The following BAALC variants were observed in gnomAD, a reference collection of about 807,000 sequenced individuals.
BAALC encodes the protein BAALC binder of MAP3K1 and KLF4, also known as brain and acute leukemia cytoplasmic protein.
Under a neutral mutation model 15.5 loss-of-function variants are expected in BAALC, and 9 were observed. The observed-to-expected ratio is 0.58, with a 90% confidence interval of 0.35 to 1.02. BAALC has a LOEUF of 1.02. Ranked by LOEUF, BAALC falls within the 50% of genes least tolerant of loss-of-function variation. BAALC has a pLI of 0.02. For missense variants in BAALC, 201 were observed against 192.4 expected, an observed-to-expected ratio of 1.04 and a Z score of -0.27; for synonymous variants, 80 against 74.6, an observed-to-expected ratio of 1.07 and a Z score of -0.37.
intron 1 of BAALC, among the ~76,000 whole-genome samples, chr8:103,152,664 C>T (rs1811010813): frequency 6.6e-6 from 1 of 152,218 alleles, no homozygotes; most frequent in Non-Finnish European, 1.5e-5. Context: ...ACCCTCCACA[C>T]CTTTTGTACC....
intron 2 of BAALC, chr8:103,213,646 A>T (rs1300523962): frequency 6.5e-6 from 1 of 152,988 alleles, no homozygotes; most frequent in Non-Finnish European, 1.5e-5. Flanking sequence ...TCCCAGAGCT[A>T]TTGTTGGGAA....
chr8:103,154,541 C>T (rs1366529872), intron 1 of BAALC: 1 of 153,770 alleles, frequency 6.5e-6, no homozygotes, highest in Non-Finnish European at 1.5e-5. Context: ...TCATGATTTC[C>T]CACTATCTAC....
chr8:103,224,415 G>A (rs1396202527), intron 2 of BAALC, among the ~76,000 whole-genome samples: 1 of 144,268 alleles, frequency 6.9e-6, no homozygotes, highest in Non-Finnish European at 1.5e-5. Context: ...ACAACTCAAA[G>A]CAGAGTGGGC....
chr8:103,208,006 T>C lies in BAALC; in HGVS notation c.161-4913T>C, dbSNP rs149082577. On this transcript the variant is annotated intron_variant, in intron 1 of 2. Coordinates refer to ENST00000309982, the MANE Select transcript of BAALC (RefSeq NM_024812.3). ...ACACTGGACAGATGACCCCTGCTCA[T>C]TGTTTGGCAAATGCCAATCCCCCAA... Among the ~76,000 whole-genome samples, 48 of 152,358 alleles carry C rather than the reference T, an allele frequency of 3.2e-4. No individual in the cohort carries two copies. The East Asian group carries it at 8.5e-3, about 27-fold the overall frequency.
intron 1 of BAALC, among the ~76,000 whole-genome samples, chr8:103,205,160 G>T (rs1164666153): frequency 6.6e-6 from 1 of 152,164 alleles, no homozygotes; most frequent in African/African-American, 2.4e-5. Context: ...AGGTGCTCAA[G>T]CTAAGGAGAA....
intron 1 of BAALC, among the ~76,000 whole-genome samples, chr8:103,154,164 T>TAA (rs1193034146): frequency 6.6e-6 from 1 of 152,174 alleles, no homozygotes; most frequent in Non-Finnish European, 1.5e-5. Flanking sequence ...TTCCATTAAT[T>TAA]GGGTGCTCAG....
intron 1 of BAALC, among the ~76,000 whole-genome samples, chr8:103,145,555 T>C (rs746302900): frequency 2.0e-5 from 3 of 152,366 alleles, no homozygotes; most frequent in African/African-American, 7.2e-5. Flanking sequence ...TGCTATGATA[T>C]GGTCATTGAA....
chr8:103,228,167 G>A lies in BAALC; in HGVS notation c.*68G>A. On this transcript the variant is annotated 3_prime_UTR_variant, in exon 3 of 3. Transcript: ENST00000309982. ...CTTCACGGCACTGGATCCCATCAAA[G>A]AACCTTGAAGAAGTGGCTGCCCCTT... is the stretch of plus-strand genomic sequence containing the variant. The A allele has an allele frequency of 1.8e-6, 2 of 1,115,552 alleles. No individual in the cohort carries two copies. The highest frequency in any genetic ancestry group is 2.4e-5 in the East Asian group (1 of 41,450). 69.1% of individuals were successfully genotyped at this position (1,115,552 alleles called of 1,614,324 possible).
chr8:103,201,160 G>A (rs368795176), intron 1 of BAALC, among the ~76,000 whole-genome samples: 4 of 152,080 alleles, frequency 2.6e-5, no homozygotes, highest in African/African-American at 7.2e-5. Context: ...GATATGTAAG[G>A]AAATGAAGTA....
intron 1 of BAALC, among the ~76,000 whole-genome samples, chr8:103,161,171 T>C (rs1811215927): frequency 1.3e-5 from 2 of 152,320 alleles, no homozygotes; most frequent in South Asian, 2.1e-4. Context: ...TAAAGACAAA[T>C]CTATAAAATA....
chr8:103,205,764 A>G (rs1402626834), intron 1 of BAALC, among the ~76,000 whole-genome samples: 1 of 152,222 alleles, frequency 6.6e-6, no homozygotes, highest in African/African-American at 2.4e-5. Flanking sequence ...TTAAAATTTG[A>G]GAACTGCCTA....
intron 1 of BAALC, among the ~76,000 whole-genome samples, chr8:103,175,009 A>G (rs1425469980): frequency 6.6e-6 from 1 of 152,042 alleles, no homozygotes; most frequent in East Asian, 1.9e-4. Flanking sequence ...GAATTATACC[A>G]GTTGATCTCC....
At chr8:103,145,632 A>G (rs141958527) in intron 1 of BAALC, among the ~76,000 whole-genome samples, 1 of 152,220 alleles carries the variant, frequency 6.6e-6, no homozygotes, top group Non-Finnish European at 1.5e-5. Context: ...TGTTGTTGCC[A>G]TATTACCTTG....
intron 1 of BAALC, among the ~76,000 whole-genome samples, chr8:103,144,217 T>C (rs1235795086): frequency 2.0e-5 from 3 of 152,248 alleles, no homozygotes; most frequent in Non-Finnish European, 4.4e-5. Flanking sequence ...GGAGGGGGCA[T>C]GTTTTTCTCC....
At chr8:103,217,105 C>T (rs1222994927) in intron 2 of BAALC, among the ~76,000 whole-genome samples, 1 of 152,204 alleles carries the variant, frequency 6.6e-6, no homozygotes, top group Non-Finnish European at 1.5e-5. Context: ...GCAGATGATG[C>T]ATATCAATGA....
chr8:103,209,912 T>C (rs1812415089), intron 1 of BAALC, among the ~76,000 whole-genome samples: 1 of 152,172 alleles, frequency 6.6e-6, no homozygotes, highest in South Asian at 2.1e-4. Context: ...GGACACTGAG[T>C]AGCACTATTC....
chr8:103,181,065 T>C (rs2129972921), intron 1 of BAALC, among the ~76,000 whole-genome samples: 1 of 149,870 alleles, frequency 6.7e-6, no homozygotes, highest in South Asian at 2.1e-4. Flanking sequence ...CCTTTCAGAA[T>C]ATTAAAAGGA....
At chr8:103,199,701 G>A (rs967584080) in intron 1 of BAALC, among the ~76,000 whole-genome samples, 2 of 150,668 alleles carry the variant, frequency 1.3e-5, no homozygotes, top group African/African-American at 4.9e-5. Flanking sequence ...TATTAAGTTT[G>A]TTACACAGGT....
At chr8:103,201,783 A>G (rs1427659618) in intron 1 of BAALC, among the ~76,000 whole-genome samples, 1 of 152,246 alleles carries the variant, frequency 6.6e-6, no homozygotes, top group Non-Finnish European at 1.5e-5. Context: ...CCCAGCACCC[A>G]GCATAGAGCC....
Sources: gnomAD v4.1 joint callset for allele counts (sites outside exome capture counted in the v4.1 genomes callset) on GRCh38, gnomAD v4.1.1 for gene constraint, MANE v1.5 for transcripts, NCBI Gene and HGNC (gene_info 2026-07-23, HGNC 2026-07-21) for gene names.